The following GUCY1A2 variants were observed in gnomAD, a reference collection of about 807,000 sequenced individuals.
The protein encoded by GUCY1A2 is guanylate cyclase soluble subunit alpha-2.
GUCY1A2 carries 27 observed loss-of-function variants against 63.5 expected under a neutral mutation model. The observed-to-expected ratio is 0.43, with a 90% CI of 0.31 to 0.59. The LOEUF (loss-of-function observed/expected upper bound fraction) is 0.59. Ranked by LOEUF, GUCY1A2 falls within the 20% of genes least tolerant of loss-of-function variation. GUCY1A2 has a pLI of 0.11. For missense variants in GUCY1A2, 768 were observed against 913.3 expected (o/e 0.84, Z 2.05); for synonymous variants, 364 against 343.5 (o/e 1.06, Z -0.66).
At chr11:106,856,432 T>C (rs1294367139) in intron 4 of GUCY1A2, among the ~76,000 whole-genome samples, 3 of 152,110 alleles carry the variant, frequency 2.0e-5, no homozygotes, top group Non-Finnish European at 4.4e-5. Context: ...TGCCTTTTTT[T>C]TTCTGAATCT....
chr11:106,846,648 G>A (rs868135071), intron 4 of GUCY1A2, among the ~76,000 whole-genome samples: 12 of 151,502 alleles, frequency 7.9e-5, no homozygotes, highest in African/African-American at 2.4e-4. Context: ...TGACCTCTTC[G>A]ACACTACTTG....
intron 6 of GUCY1A2, among the ~76,000 whole-genome samples, chr11:106,765,050 A>T (rs1351359056): frequency 6.6e-6 from 1 of 151,308 alleles, no homozygotes; most frequent in Non-Finnish European, 1.5e-5. Context: ...TCCAGTATGC[A>T]TTTTTTCCTC....
intron 4 of GUCY1A2, among the ~76,000 whole-genome samples, chr11:106,829,281 G>C (rs555107679): frequency 1.3e-5 from 2 of 152,304 alleles, no homozygotes; most frequent in African/African-American, 4.8e-5. Context: ...AGTTGCCAGA[G>C]ATCACACAGT....
At chr11:106,956,940 G>A (rs1403668248) in intron 3 of GUCY1A2, among the ~76,000 whole-genome samples, 2 of 152,168 alleles carry the variant, frequency 1.3e-5, no homozygotes, top group Admixed American at 6.5e-5. Context: ...TAGGGACTCA[G>A]GCCCAGGGAG....
intron 3 of GUCY1A2, among the ~76,000 whole-genome samples, chr11:106,978,014 G>A (rs976685258): frequency 2.0e-5 from 3 of 152,042 alleles, no homozygotes; most frequent in African/African-American, 7.2e-5. Flanking sequence ...GCTCAGTTAT[G>A]GTAGCTTACG....
intron 1 of GUCY1A2, among the ~76,000 whole-genome samples, chr11:107,013,877 AAAG>A (rs1395917216): frequency 6.6e-6 from 1 of 152,170 alleles, no homozygotes; most frequent in Non-Finnish European, 1.5e-5. Flanking sequence ...GATAATGATT[AAAG>A]AAGTTCCATG....
chr11:106,778,685 A>G (rs965463903), intron 5 of GUCY1A2, among the ~76,000 whole-genome samples: 2 of 152,120 alleles, frequency 1.3e-5, no homozygotes, highest in African/African-American at 4.8e-5. Context: ...AAATGGGACT[A>G]TGTTTTTTTC....
rs1439523744 is a variant in GUCY1A2, at chr11:107,018,026, G to A, written c.30C>T (p.Ser10=). 4 of 1,475,362 alleles carry A rather than the reference G, an allele frequency of 2.7e-6. No individual in the cohort carries two copies. The highest frequency in any genetic ancestry group is 2.7e-6 in the Non-Finnish European group (3 of 1,102,418). 91.4% of individuals were successfully genotyped at this position (1,475,362 alleles called of 1,614,324 possible). A position where few individuals can be genotyped will look rare whatever the true frequency, so the allele number is the denominator to read the frequency against. Residue 10 remains serine (S), a synonymous_variant, in exon 1 of 8, where the codon TCC becomes TCT. Coordinates refer to ENST00000526355, the MANE Select transcript of GUCY1A2 (RefSeq NM_000855.3). MSRRKISSE[S]FSSLGSDYLE... ...GGTAGTCGGAGCCCAGGGAGCTGAA[G>A]GACTCGGACGAAATCTTCCTTCGAG... is the stretch of plus-strand genomic sequence containing the variant.
intron 4 of GUCY1A2, among the ~76,000 whole-genome samples, chr11:106,860,633 T>C (rs1476717987): frequency 1.3e-5 from 2 of 151,994 alleles, no homozygotes; most frequent in Non-Finnish European, 2.9e-5. Context: ...TGAATTCTTT[T>C]TACGTGCCTG....
chr11:106,849,820 C>A (rs545709035), intron 4 of GUCY1A2, among the ~76,000 whole-genome samples: 9 of 151,742 alleles, frequency 5.9e-5, no homozygotes, highest in Non-Finnish European at 1.2e-4. Flanking sequence ...AAAACAGTCA[C>A]AGGAAGGAGA....
intron 6 of GUCY1A2, among the ~76,000 whole-genome samples, chr11:106,714,417 T>C (rs1275102800): frequency 5.9e-5 from 9 of 152,188 alleles, no homozygotes; most frequent in Admixed American, 5.9e-4. Context: ...TTCTTTTGCA[T>C]TTCTTCTGAT....
chr11:106,848,969 A>G (rs1312608601), intron 4 of GUCY1A2, among the ~76,000 whole-genome samples: 1 of 151,672 alleles, frequency 6.6e-6, no homozygotes, highest in Non-Finnish European at 1.5e-5. Context: ...AAAGTCTTCT[A>G]AGCCAATTCT....
chr11:106,870,213 C>T (rs1258082556), intron 4 of GUCY1A2, among the ~76,000 whole-genome samples: 1 of 151,634 alleles, frequency 6.6e-6, no homozygotes, highest in East Asian at 1.9e-4. Flanking sequence ...ACGTAACAAA[C>T]CCATACATTG....
intron 5 of GUCY1A2, among the ~76,000 whole-genome samples, chr11:106,804,261 T>C (rs1036967873): frequency 4.6e-5 from 7 of 152,178 alleles, no homozygotes; most frequent in Non-Finnish European, 1.0e-4. Context: ...GCAAATGATG[T>C]TGATGTTGAT....
chr11:106,799,831 G>C (rs1416185176), intron 5 of GUCY1A2, among the ~76,000 whole-genome samples: 1 of 152,142 alleles, frequency 6.6e-6, no homozygotes, highest in African/African-American at 2.4e-5. Flanking sequence ...ATAGGCATGG[G>C]CAAGGACTTC....
At chr11:106,892,853 A>C (rs1859993106) in intron 4 of GUCY1A2, among the ~76,000 whole-genome samples, 1 of 152,166 alleles carries the variant, frequency 6.6e-6, no homozygotes, top group Non-Finnish European at 1.5e-5. Flanking sequence ...GCCATTATTT[A>C]CATACAAGAG....
At chr11:106,800,134 A>G (rs1463433078) in intron 5 of GUCY1A2, among the ~76,000 whole-genome samples, 1 of 152,256 alleles carries the variant, frequency 6.6e-6, no homozygotes, top group Non-Finnish European at 1.5e-5. Context: ...GACACATGAA[A>G]AAATGCTTAT....
intron 4 of GUCY1A2, among the ~76,000 whole-genome samples, chr11:106,898,443 C>T (rs1335628518): frequency 3.3e-5 from 5 of 152,106 alleles, no homozygotes; most frequent in Non-Finnish European, 5.9e-5. Flanking sequence ...TCAAAGCAAC[C>T]AAGATGTCCT....
chr11:106,978,295 G>A (rs1015595819), intron 3 of GUCY1A2, among the ~76,000 whole-genome samples: 1 of 152,166 alleles, frequency 6.6e-6, no homozygotes, highest in African/African-American at 2.4e-5. Context: ...AGGAAAAAAA[G>A]ATCCTACAAC....
Sources: gnomAD v4.1 joint callset for allele counts (sites outside exome capture counted in the v4.1 genomes callset) on GRCh38, gnomAD v4.1.1 for gene constraint, MANE v1.5 for transcripts, NCBI Gene and HGNC (gene_info 2026-07-23, HGNC 2026-07-21) for gene names.